AUTS2: variants seen among roughly 807,000 people sequenced by gnomAD.
The protein encoded by AUTS2 is autism susceptibility gene 2 protein.
AUTS2 carries 17 observed loss-of-function variants against 112.4 expected under a neutral mutation model. The observed-to-expected ratio is 0.15, with a 90% CI of 0.10 to 0.23. The LOEUF is 0.23. Among genes scored for constraint, AUTS2 ranks in the 10% least tolerant of loss-of-function variants. The probability of loss-of-function intolerance (pLI) is 1.00; values close to 1 mark genes in which losing one functional copy is unlikely to be tolerated. For missense variants in AUTS2, 1,510 were observed against 1,701.6 expected (o/e 0.89, Z 1.98); for synonymous variants, 751 against 702.7 (o/e 1.07, Z -1.09).
At chr7:69,987,361 G>T (rs1414584955) in intron 2 of AUTS2, among the ~76,000 whole-genome samples, 1 of 152,146 alleles carries the variant, frequency 6.6e-6, no homozygotes, top group Non-Finnish European at 1.5e-5. Flanking sequence ...GGACAACTGG[G>T]GAAATCTGAA....
intron 4 of AUTS2, among the ~76,000 whole-genome samples, chr7:70,245,769 G>C (rs958539596): frequency 6.6e-6 from 1 of 152,022 alleles, no homozygotes; most frequent in Admixed American, 6.6e-5. Context: ...AGAATTGCTT[G>C]GGTTTAGGGT....
At chr7:70,080,289 A>C (rs774803203) in intron 2 of AUTS2, among the ~76,000 whole-genome samples, 1 of 152,210 alleles carries the variant, frequency 6.6e-6, no homozygotes, top group Non-Finnish European at 1.5e-5. Context: ...ACTGTTTCCA[A>C]CTCAACAAAG....
chr7:69,977,289 C>T (rs1311787939), intron 2 of AUTS2, among the ~76,000 whole-genome samples: 2 of 152,118 alleles, frequency 1.3e-5, no homozygotes, highest in East Asian at 1.9e-4. Context: ...TATTATATTC[C>T]ATTGGTCTGT....
In AUTS2 at chr7:70,644,482, G is replaced by A. The variant is rs377085244; in HGVS notation, c.691-54087G>A. 9.9e-5 allele frequency among the ~76,000 whole-genome samples: 15 copies of A among 152,140 alleles called. No individual in the cohort carries two copies. The East Asian group carries it at 1.2e-3, about 12-fold the overall frequency. On this transcript the variant is annotated intron_variant, in intron 5 of 18. Transcript: ENST00000342771. ...CAGCCACGTTTGACTGCCATTCTGC[G>A]CTCTCCACGAACTGTCTCCCACACC...
At chr7:70,073,182 C>T (rs1802869130) in intron 2 of AUTS2, among the ~76,000 whole-genome samples, 1 of 151,528 alleles carries the variant, frequency 6.6e-6, no homozygotes, top group Non-Finnish European at 1.5e-5. Context: ...AGGTTCTAGC[C>T]AGATGAACAG....
intron 4 of AUTS2, among the ~76,000 whole-genome samples, chr7:70,137,472 T>G (rs1806630024): frequency 6.6e-6 from 1 of 152,072 alleles, no homozygotes; most frequent in Non-Finnish European, 1.5e-5. Flanking sequence ...CTTTTTTTTT[T>G]TTGTTTTGAA....
intron 2 of AUTS2, among the ~76,000 whole-genome samples, chr7:69,934,388 G>A (rs1267602584): frequency 6.6e-6 from 1 of 152,210 alleles, no homozygotes; most frequent in East Asian, 1.9e-4. Flanking sequence ...AGTTGGAGCA[G>A]ACATTGACTC....
At chr7:69,614,755 A>G (rs942874681) in intron 1 of AUTS2, among the ~76,000 whole-genome samples, 32 of 152,082 alleles carry the variant, frequency 2.1e-4, no homozygotes, top group Non-Finnish European at 4.4e-4. Context: ...GAATGCTGGG[A>G]TTACAGGTGT....
At chr7:69,931,134 C>T (rs889903012) in intron 2 of AUTS2, among the ~76,000 whole-genome samples, 2 of 151,970 alleles carry the variant, frequency 1.3e-5, no homozygotes, top group African/African-American at 4.8e-5. Flanking sequence ...CACACACACA[C>T]ACACACACAC....
At chr7:69,903,489 C>T (rs2129541131) in intron 2 of AUTS2, among the ~76,000 whole-genome samples, 1 of 152,304 alleles carries the variant, frequency 6.6e-6, no homozygotes, top group Non-Finnish European at 1.5e-5. Context: ...TTGGCTCTGA[C>T]TGGATTTCTA....
rs1287694676 is a variant in AUTS2, at chr7:70,792,261, TGTGA to T, written c.*1269_*1272del. The T allele has an allele frequency of 2.6e-5, 4 of 152,568 alleles. No individual in the cohort carries two copies. The highest frequency in any genetic ancestry group is 1.9e-4 in the East Asian group (1 of 5,188). 9.5% of individuals were successfully genotyped at this position (152,568 alleles called of 1,614,324 possible). ...AGATGGCAGAAAAAAAAGTCTTGTGTGTGAGTGTGTTTTTTGAGTTTGCATCAAT... is the reference window on the plus strand; with the variant it reads ...AGATGGCAGAAAAAAAAGTCTTGTGTGTGTGTTTTTTGAGTTTGCATCAAT... On this transcript the variant is annotated 3_prime_UTR_variant, in exon 19 of 19. Transcript: ENST00000342771.
intron 4 of AUTS2, among the ~76,000 whole-genome samples, chr7:70,345,710 G>A (rs765511008): frequency 1.3e-5 from 2 of 152,178 alleles, no homozygotes; most frequent in African/African-American, 2.4e-5. Flanking sequence ...TATGCATCAT[G>A]AGACTTGTAT....
chr7:70,386,813 AT>A (rs1172754869), intron 4 of AUTS2, among the ~76,000 whole-genome samples: 1 of 152,070 alleles, frequency 6.6e-6, no homozygotes, highest in Non-Finnish European at 1.5e-5. Context: ...CAACACTCAA[AT>A]TCTTTATAAA....
chr7:69,789,225 T>G (rs1290031231), intron 1 of AUTS2, among the ~76,000 whole-genome samples: 3 of 152,120 alleles, frequency 2.0e-5, no homozygotes, highest in Non-Finnish European at 4.4e-5. Context: ...CAGCAATGGC[T>G]CTCAAACTTC....
intron 5 of AUTS2, among the ~76,000 whole-genome samples, chr7:70,630,386 G>A (rs968876322): frequency 6.6e-6 from 1 of 152,216 alleles, no homozygotes; most frequent in Non-Finnish European, 1.5e-5. Context: ...CTGCTGCCAG[G>A]AATCAACCAG....
chr7:69,971,966 T>G (rs993269353), intron 2 of AUTS2, among the ~76,000 whole-genome samples: 1 of 152,190 alleles, frequency 6.6e-6, no homozygotes, highest in Non-Finnish European at 1.5e-5. Flanking sequence ...CTGGGTAGTA[T>G]GTATAGTATT....
intron 2 of AUTS2, among the ~76,000 whole-genome samples, chr7:70,098,325 G>A (rs1407816482): frequency 2.0e-5 from 3 of 152,104 alleles, no homozygotes; most frequent in African/African-American, 7.2e-5. Flanking sequence ...CCTGAATGAG[G>A]GACTTGTTAA....
In AUTS2 at chr7:69,926,433, G is replaced by C. The variant is rs1021764236; in HGVS notation, c.522+26935G>C. 4.9e-5 allele frequency among the ~76,000 whole-genome samples: 6 copies of C among 122,304 alleles called. No individual in the cohort carries two copies. The Admixed American group carries it at 5.3e-4, about 11-fold the overall frequency. 80.2% of individuals were successfully genotyped at this position (122,304 alleles called of 152,430 possible). The stretch of plus-strand genomic sequence containing the variant: ...ATAGTCTTTGCTCTGAAATCTATCT[G>C]TCTGTCTGTCTGTCTATCTATCTAT... On this transcript the variant is annotated intron_variant, in intron 2 of 18. Transcript: ENST00000342771.
chr7:70,780,238 AACC>A (rs1790980546), intron 14 of AUTS2, among the ~76,000 whole-genome samples: 1 of 152,128 alleles, frequency 6.6e-6, no homozygotes, highest in South Asian at 2.1e-4. Context: ...GCAGCTTTGA[AACC>A]ATGCTGGTGC....
Sources: gnomAD v4.1 joint callset for allele counts (sites outside exome capture counted in the v4.1 genomes callset) on GRCh38, gnomAD v4.1.1 for gene constraint, MANE v1.5 for transcripts, NCBI Gene and HGNC (gene_info 2026-07-23, HGNC 2026-07-21) for gene names.